Variants in TASP1 observed in about 807,000 individuals in gnomAD.
TASP1 encodes the protein taspase 1, also known as threonine aspartase 1.
Under a neutral mutation model 56.6 loss-of-function variants are expected in TASP1, and 16 were observed. The ratio of observed to expected loss-of-function variants is 0.28; its 90% CI spans 0.19 to 0.43. The LOEUF is 0.43. Among genes scored for constraint, TASP1 ranks in the 20% least tolerant of loss-of-function variants. TASP1 has a pLI of 1.00. For missense variants in TASP1, 393 were observed against 511.6 expected, an observed-to-expected ratio of 0.77 and a Z score of 2.24; for synonymous variants, 179 against 184.2, an observed-to-expected ratio of 0.97 and a Z score of 0.23.
intron 11 of TASP1, among the ~76,000 whole-genome samples, chr20:13,435,667 G>A (rs1455899397): frequency 6.6e-6 from 1 of 152,176 alleles, no homozygotes; most frequent in Non-Finnish European, 1.5e-5. Flanking sequence ...TCTATGATGA[G>A]AGTCTGGTGG....
chr20:13,253,862 C>CAT, the TASP1 span, among the ~76,000 whole-genome samples: 835 of 140,136 alleles, frequency 6.0e-3, 4 homozygotes, highest in African/African-American at 0.019. Context: ...CATCCATATC[C>CAT]ATATATATAT....
chr20:13,526,009 G>C (rs2044965593), intron 10 of TASP1, among the ~76,000 whole-genome samples: 1 of 152,108 alleles, frequency 6.6e-6, no homozygotes, highest in East Asian at 1.9e-4. Context: ...GGCAAAAGAG[G>C]AAATATTCAA....
At chr20:13,112,948 C>A in the TASP1 span, among the ~76,000 whole-genome samples, 1 of 152,106 alleles carries the variant, frequency 6.6e-6, no homozygotes, top group Admixed American at 6.6e-5. Flanking sequence ...TTCGGGAGAC[C>A]AAGGCAGGTG....
the TASP1 span, among the ~76,000 whole-genome samples, chr20:13,107,069 A>G: frequency 1.3e-5 from 2 of 152,224 alleles, no homozygotes; most frequent in Non-Finnish European, 2.9e-5. Flanking sequence ...TGTCTAAAAA[A>G]TGGTAAGAAA....
At chr20:13,435,293 A>C in intron 11 of TASP1, 139 bp from the exon 12 acceptor site, 18 of 654,242 alleles carry the variant, frequency 2.8e-5, no homozygotes, top group Non-Finnish European at 4.2e-5. Context: ...TTCATACCTC[A>C]TTATATACTT....
intron 13 of TASP1, among the ~76,000 whole-genome samples, chr20:13,401,313 T>C (rs2041729948): frequency 6.6e-6 from 1 of 152,182 alleles, no homozygotes; most frequent in African/African-American, 2.4e-5. Context: ...AATCTGGAGA[T>C]TACTGGGAAG....
At chr20:13,347,344 T>C in the TASP1 span, among the ~76,000 whole-genome samples, 2 of 152,152 alleles carry the variant, frequency 1.3e-5, no homozygotes, top group Non-Finnish European at 1.5e-5. Context: ...AACACACAAG[T>C]AGATGGGAGT....
the TASP1 span, among the ~76,000 whole-genome samples, chr20:13,107,983 G>C: frequency 1.3e-5 from 2 of 152,050 alleles, no homozygotes; most frequent in Admixed American, 6.6e-5. Context: ...AAGTCAAATA[G>C]TGTATTAACA....
the TASP1 span, among the ~76,000 whole-genome samples, chr20:13,341,749 T>C: frequency 4.6e-5 from 7 of 152,196 alleles, no homozygotes; most frequent in Non-Finnish European, 1.0e-4. Context: ...GATGAGTTGG[T>C]TGGTTCTTCT....
At chr20:13,182,761 T>G in the TASP1 span, among the ~76,000 whole-genome samples, 4 of 152,210 alleles carry the variant, frequency 2.6e-5, no homozygotes, top group African/African-American at 9.6e-5. Context: ...AATAAATGAA[T>G]GAGTGAAGGA....
At chr20:13,391,007 C>T (rs148996230) in intron 13 of TASP1, among the ~76,000 whole-genome samples, 35 of 152,230 alleles carry the variant, frequency 2.3e-4, no homozygotes, top group African/African-American at 3.6e-4. Flanking sequence ...GTGGGGCCAA[C>T]GAAGAAATCT....
At position 13,623,503 on chromosome 20, in the gene TASP1, C is replaced by T. The variant is rs1463052093; in HGVS notation, c.225G>A (p.Lys75=). 1 of 1,600,674 alleles carries T rather than the reference C, an allele frequency of 6.2e-7. No individual in the cohort carries two copies. The highest frequency in any genetic ancestry group is 2.2e-5 in the East Asian group (1 of 44,728). Residue 75 remains lysine (K), a synonymous_variant, in exon 4 of 14, where the codon AAG becomes AAA. Transcript: ENST00000337743. ...CKRACQKAIE[K]LQAGALATDA... is the part of the protein sequence containing the mutation. Reference sequence around the variant, plus strand: ...CAGTTGCAAGAGCACCGGCCTGCAGCTTTTCAATTGCCTATGAAACCAAGG... The same window carrying T: ...CAGTTGCAAGAGCACCGGCCTGCAGTTTTTCAATTGCCTATGAAACCAAGG...
the TASP1 span, chr20:13,221,818 G>C: frequency 6.9e-7 from 1 of 1,458,526 alleles, no homozygotes. Flanking sequence ...TGCTGGGGCT[G>C]CTGCTGCTCA....
the TASP1 span, among the ~76,000 whole-genome samples, chr20:13,265,073 G>T: frequency 5.9e-5 from 9 of 152,256 alleles, no homozygotes; most frequent in African/African-American, 1.9e-4. Context: ...ATTTAACTCT[G>T]TTATTTCATA....
the TASP1 span, among the ~76,000 whole-genome samples, chr20:13,262,714 C>T: frequency 6.6e-6 from 1 of 152,158 alleles, no homozygotes. Flanking sequence ...GTATTCAAGA[C>T]ACACCAGTGA....
chr20:13,319,212 T>C, the TASP1 span, among the ~76,000 whole-genome samples: 1 of 152,024 alleles, frequency 6.6e-6, no homozygotes, highest in Non-Finnish European at 1.5e-5. Flanking sequence ...TAAGTGACTA[T>C]TAGGTAGAAG....
At chr20:13,404,586 T>C (rs1429171717) in intron 13 of TASP1, among the ~76,000 whole-genome samples, 4 of 152,154 alleles carry the variant, frequency 2.6e-5, no homozygotes, top group South Asian at 2.1e-4. Context: ...AAGTGGGTGA[T>C]ACAGTGAGAT....
chr20:13,110,276 C>T, the TASP1 span: 118 of 1,404,210 alleles, frequency 8.4e-5, 1 homozygote, highest in Middle Eastern at 1.8e-4. Flanking sequence ...CTGACCAGTG[C>T]GGAAAGGCTC....
chr20:13,599,201 T>C (rs775172541), intron 4 of TASP1, among the ~76,000 whole-genome samples: 62 of 152,228 alleles, frequency 4.1e-4, no homozygotes, highest in Non-Finnish European at 7.3e-4. Context: ...AGATTATAAA[T>C]AATGCTACTA....
Sources: allele counts gnomAD v4.1 joint callset (sites outside exome capture counted in the v4.1 genomes callset), GRCh38; gene constraint gnomAD v4.1.1; transcripts MANE v1.5; gene names NCBI Gene and HGNC (gene_info 2026-07-23, HGNC 2026-07-21).